The following CASZ1 variants were observed in gnomAD, a reference collection of about 807,000 sequenced individuals.
CASZ1 encodes the protein zinc finger protein castor homolog 1.
CASZ1 carries 28 observed loss-of-function variants against 135.2 expected under a neutral mutation model. The ratio of observed to expected loss-of-function variants is 0.21; its 90% CI spans 0.15 to 0.28. CASZ1 has a LOEUF of 0.28. Among genes scored for constraint, CASZ1 ranks in the 10% least tolerant of loss-of-function variants. The pLI is 1.00. For missense variants in CASZ1, 2,161 were observed against 2,453.3 expected (o/e 0.88, Z 2.52); for synonymous variants, 1,068 against 1,073.4 (o/e 0.99, Z 0.10).
chr1:10,786,234 C>T (rs911584900), intron 1 of CASZ1, among the ~76,000 whole-genome samples: 6 of 152,268 alleles, frequency 3.9e-5, no homozygotes, highest in East Asian at 1.9e-4. Context: ...CTCACCCCAC[C>T]GAGCTCCAGG....
chr1:10,658,267 C>G, intron 7 of CASZ1: 1 of 522,554 alleles, frequency 1.9e-6, no homozygotes, highest in Non-Finnish European at 3.5e-6. Flanking sequence ...GACCCCGGCC[C>G]TAACTGGGGG....
At position 10,665,636 on chromosome 1, in the gene CASZ1, G is replaced by A. The variant is rs1260934284; in HGVS notation, c.17-65C>T. 8.9e-6 allele frequency: 13 copies of A among 1,452,578 alleles called. No homozygotes were observed. In the Admixed American group the frequency reaches 1.5e-4, roughly 16 times the overall value. The allele number at this position is 1,452,578 out of a possible 1,614,324, so 90.0% of individuals were successfully genotyped here. ...AAGGCCAAGAACAACCCACCCTCCC[G>A]AACAGCCCTGCATCCCCCAAGCTGC... is the stretch of plus-strand genomic sequence containing the variant. On this transcript the variant is annotated intron_variant, in intron 4 of 20. Coordinates refer to ENST00000377022, the MANE Select transcript of CASZ1 (RefSeq NM_001079843.3).
chr1:10,761,854 G>T (rs1053839491), intron 1 of CASZ1, among the ~76,000 whole-genome samples: 1 of 152,140 alleles, frequency 6.6e-6, no homozygotes, highest in African/African-American at 2.4e-5. Flanking sequence ...GGGGGTGCTC[G>T]GTCCGCTCTC....
intron 2 of CASZ1, among the ~76,000 whole-genome samples, chr1:10,736,809 T>C (rs880315): frequency 0.33 from 50,202 of 152,060 alleles, 9,214 homozygotes; most frequent in East Asian, 0.62. Context: ...ACGTGTCCAA[T>C]CCATCACTGA....
chr1:10,707,779 C>G lies in CASZ1; in HGVS notation c.-76-2235G>C, dbSNP rs972888980. 6.6e-6 allele frequency among the ~76,000 whole-genome samples: 1 copy of G among 152,128 alleles called. No individual in the cohort carries two copies. The highest frequency in any genetic ancestry group is 1.5e-5 in the Non-Finnish European group (1 of 68,026). ...CTTGTCTCTCTGCCTCTCACTGTCC[C>G]CACTGTCTGCTTTGTGAGTGGCCCA... On this transcript the variant is annotated intron_variant, in intron 2 of 20. Transcript: ENST00000377022. The surrounding 1 kb of genome is among the most constrained non-coding windows in gnomAD (Gnocchi z 5.0).
rs758625143 is a variant in CASZ1 at position 10,739,761 on chromosome 1, C to T, written c.-77+20940G>A. Reference sequence around the variant, plus strand: ...GGCCCTCTCTTTGGGGTTCTGGTTCCCGATTAAACCTTGACCTCTCTAGCA... The same window carrying T: ...GGCCCTCTCTTTGGGGTTCTGGTTCTCGATTAAACCTTGACCTCTCTAGCA... On this transcript the variant is annotated intron_variant, in intron 2 of 20. Transcript: ENST00000377022. The surrounding 1 kb of genome is among the most constrained non-coding windows in gnomAD (Gnocchi z 4.8). 2.0e-4 allele frequency among the ~76,000 whole-genome samples: 31 copies of T among 152,188 alleles called. No homozygotes were observed. The highest frequency in any genetic ancestry group is 5.2e-4 in the Admixed American group (8 of 15,286).
chr1:10,777,752 TC>T lies in CASZ1; in HGVS notation c.-233-16896del, dbSNP rs1291601539. Among the ~76,000 whole-genome samples, 5 of 148,342 alleles carry T rather than the reference TC, an allele frequency of 3.4e-5. No individual in the cohort carries two copies. In the East Asian group the frequency reaches 1.0e-3, roughly 30 times the overall value. On this transcript the variant is annotated intron_variant, in intron 1 of 20. Coordinates refer to ENST00000377022, the MANE Select transcript of CASZ1 (RefSeq NM_001079843.3). The surrounding 1 kb of genome is among the most constrained non-coding windows in gnomAD (Gnocchi z 4.4). ...CATACCACGTTACAATCACACACAA[TC>T]CCATACACACCCACTCACATAATCC... is the stretch of plus-strand genomic sequence containing the variant.
chr1:10,763,932 G>A (rs1216761519), intron 1 of CASZ1, among the ~76,000 whole-genome samples: 2 of 152,132 alleles, frequency 1.3e-5, no homozygotes, highest in South Asian at 2.1e-4. Flanking sequence ...GCGCAATCTC[G>A]GTTCACTGTA....
At position 10,770,877 on chromosome 1, in the gene CASZ1, C is replaced by A. The variant is rs1640563957; in HGVS notation, c.-233-10020G>T. Among the ~76,000 whole-genome samples, 3 of 152,232 alleles carry A rather than the reference C, an allele frequency of 2.0e-5. No homozygotes were observed. The South Asian group carries it at 6.2e-4, about 31-fold the overall frequency. On this transcript the variant is annotated intron_variant, in intron 1 of 20. Transcript: ENST00000377022. ...CTTTCCCACTCCCTTCCAGAAGAGC[C>A]AGTGCTTTCAGGATAACGAGGAACA...
intron 2 of CASZ1, among the ~76,000 whole-genome samples, chr1:10,754,391 G>T (rs1220319712): frequency 1.3e-5 from 2 of 152,118 alleles, no homozygotes; most frequent in Non-Finnish European, 2.9e-5. Flanking sequence ...CCACAGTGTC[G>T]CTGAATGGAA....
intron 1 of CASZ1, among the ~76,000 whole-genome samples, chr1:10,787,517 G>C (rs972711113): frequency 9.2e-5 from 14 of 152,228 alleles, no homozygotes; most frequent in South Asian, 2.1e-4. Context: ...GGGGGCGAGG[G>C]GGGCGGGCGG....
At chr1:10,793,723 C>CGGGG (rs1437706574) in intron 1 of CASZ1, among the ~76,000 whole-genome samples, 1 of 29,922 alleles carries the variant, frequency 3.3e-5, no homozygotes, top group African/African-American at 1.3e-4. Flanking sequence ...GGGTGGGTGG[C>CGGGG]GGGGGGGCGG....
rs1057154114 is a variant in CASZ1, at chr1:10,705,328, T to C, written c.-24+164A>G. ...ACTGGCGGGAGGGCATCTTTTCCCA[T>C]CAGGGCGGAATGGGTGGGGTGGCTG... On this transcript the variant is annotated intron_variant, in intron 3 of 20. Coordinates refer to ENST00000377022, the MANE Select transcript of CASZ1 (RefSeq NM_001079843.3). Among the ~76,000 whole-genome samples, 23 of 152,246 alleles carry C rather than the reference T, an allele frequency of 1.5e-4. 1 individual carries two copies. The highest frequency in any genetic ancestry group is 4.3e-4 in the African/African-American group (18 of 41,548).
At chr1:10,675,602 A>C (rs1214219379) in intron 4 of CASZ1, among the ~76,000 whole-genome samples, 2 of 152,212 alleles carry the variant, frequency 1.3e-5, no homozygotes, top group Non-Finnish European at 1.5e-5. Flanking sequence ...GTCCCCCGAC[A>C]CTGCGGGCAT....
chr1:10,742,292 G>C (rs1326502820), intron 2 of CASZ1, among the ~76,000 whole-genome samples: 5 of 152,230 alleles, frequency 3.3e-5, no homozygotes, highest in Non-Finnish European at 5.9e-5. Context: ...AGGGAATAAT[G>C]TGGATCAGGC....
chr1:10,773,499 C>G lies in CASZ1; in HGVS notation c.-233-12642G>C, dbSNP rs183761032. Among the ~76,000 whole-genome samples, 367 of 152,020 alleles carry G rather than the reference C, an allele frequency of 2.4e-3. 10 individuals are homozygous for G. In the East Asian group the frequency reaches 0.068, roughly 28 times the overall value. ...CTGACAGGTGCAGGACAGTGGGACC[C>G]GGGAAGGAAATGGGCGAGCGGGGGT... On this transcript the variant is annotated intron_variant, in intron 1 of 20. Coordinates refer to ENST00000377022, the MANE Select transcript of CASZ1 (RefSeq NM_001079843.3).
In CASZ1 at chr1:10,774,388, CCT is replaced by C. The variant is rs574287914; in HGVS notation, c.-233-13533_-233-13532del. Among the ~76,000 whole-genome samples, 219 of 152,280 alleles carry C rather than the reference CCT, an allele frequency of 1.4e-3. No homozygotes were observed. Among genetic ancestry groups the C allele is most frequent in the Admixed American group, 2.4e-3 (37 of 15,306 alleles). ...TGGCCAGGGCCAAGTTCAGGGCCTC[CCT>C]CTCTGTCCCTGAGATTAGGGATTTG... On this transcript the variant is annotated intron_variant, in intron 1 of 20. Coordinates refer to ENST00000377022, the MANE Select transcript of CASZ1 (RefSeq NM_001079843.3). This position sits in a 1 kb window ranked among gnomAD's most constrained non-coding sequence, Gnocchi z 4.4.
rs751447404 is a variant in CASZ1 at position 10,649,377 on chromosome 1, T to C, written c.2941A>G (p.Ser981Gly). The C allele has an allele frequency of 6.2e-7, 1 of 1,608,026 alleles. No individual in the cohort carries two copies. The highest frequency in any genetic ancestry group is 8.5e-7 in the Non-Finnish European group (1 of 1,177,780). ...AAGGGCGAGGGCTCCGCAGCGGGGCTCCCCTCCGCTTCCGCCTTGATGTTC... is the reference window on the plus strand; with the variant it reads ...AAGGGCGAGGGCTCCGCAGCGGGGCCCCCCTCCGCTTCCGCCTTGATGTTC... ...LLNIKAEAEGSPAAEPSPFLG... is the reference protein window; with the variant it reads ...LLNIKAEAEGGPAAEPSPFLG... The change falls in exon 14 of 21, where the codon AGC becomes GGC. Residue 981 changes from serine (S) to glycine (G), a missense_variant. This residue lies in a region of CASZ1 where 406 missense variants were observed against 387.6 expected (regional missense o/e 1.05). Coordinates refer to ENST00000377022, the MANE Select transcript of CASZ1 (RefSeq NM_001079843.3).
chr1:10,691,666 T>C (rs1360918601), intron 4 of CASZ1, among the ~76,000 whole-genome samples: 1 of 152,210 alleles, frequency 6.6e-6, no homozygotes, highest in African/African-American at 2.4e-5. Context: ...GTATGCCGTG[T>C]GCACTATGAA....
Sources: gnomAD v4.1 joint callset for allele counts (sites outside exome capture counted in the v4.1 genomes callset) on GRCh38, gnomAD v4.1.1 for gene constraint, gnomAD v4.1.1 regional missense constraint, Gnocchi (gnomAD v3.1) non-coding constraint, MANE v1.5 for transcripts, NCBI Gene and HGNC (gene_info 2026-07-23, HGNC 2026-07-21) for gene names.